TSPAN17: variants seen among roughly 807,000 people sequenced by gnomAD.
The protein encoded by TSPAN17 is tetraspanin-17.
A neutral mutation model predicts 40.5 loss-of-function variants in TSPAN17; 33 were observed. That is an observed-to-expected ratio of 0.81 (90% CI 0.62 to 1.09). The LOEUF (loss-of-function observed/expected upper bound fraction) is 1.09, where lower values mean the gene tolerates loss of function less well. TSPAN17 is among the 50% of genes least tolerant of loss of function. The probability of loss-of-function intolerance (pLI) is 0.00; values close to 1 mark genes in which losing one functional copy is unlikely to be tolerated. For synonymous variants in TSPAN17, 166 were observed against 169.4 expected, an observed-to-expected ratio of 0.98 and a Z score of 0.15; for missense variants, 365 against 416.8, an observed-to-expected ratio of 0.88 and a Z score of 1.08.
Position 176,658,622 on chromosome 5 carries a change from G to T in TSPAN17, c.*924G>T, listed in dbSNP as rs76178706. On this transcript the variant is annotated 3_prime_UTR_variant, in exon 9 of 9. Transcript: ENST00000508164. ...GAGACCAAGAGAGTGCGGTGGGGAT[G>T]GGGGGGAGAGCACGGGTCCCCGTCT... 6.6e-6 allele frequency: 1 copy of T among 152,212 alleles called. No homozygotes were observed. The allele number at this position is 152,212 out of a possible 1,614,324, so 9.4% of individuals were successfully genotyped here.
In TSPAN17 at chr5:176,647,610, C is replaced by A; in HGVS notation, c.-6C>A. The A allele has an allele frequency of 6.4e-7, 1 of 1,560,764 alleles. No homozygotes were observed. Among genetic ancestry groups the A allele is most frequent in the Non-Finnish European group, 8.6e-7 (1 of 1,156,444 alleles). On this transcript the variant is annotated 5_prime_UTR_variant, in exon 1 of 9. Transcript: ENST00000508164. ...CGGTTTCCGGGCCGGCGGGTGGCCGCTCACCATGCCCGGCAAGCACCAGCA... is the reference window on the plus strand; with the variant it reads ...CGGTTTCCGGGCCGGCGGGTGGCCGATCACCATGCCCGGCAAGCACCAGCA...
intron 8 of TSPAN17, chr5:176,657,284 G>T (rs1278179099): frequency 2.8e-6 from 2 of 718,684 alleles, no homozygotes; most frequent in Admixed American, 3.0e-5. Context: ...CAGGCCAAGT[G>T]GGGTGGGAGG....
At position 176,654,691 on chromosome 5, in the gene TSPAN17, A is replaced by G; in HGVS notation, c.457-204A>G. ...TCTTGGGTCGGGGAAGGGGGAGCTC[A>G]GTGTCCCCTCCCTTGCACCCCTCTG... On this transcript the variant is annotated intron_variant, in intron 4 of 8. Coordinates refer to ENST00000508164, the MANE Select transcript of TSPAN17 (RefSeq NM_130465.5). The surrounding 1 kb of genome is among the most constrained non-coding windows in gnomAD (Gnocchi z 4.3). The G allele has an allele frequency of 1.7e-6, 1 of 586,196 alleles. No homozygotes were observed. The highest frequency in any genetic ancestry group is 3.0e-6 in the Non-Finnish European group (1 of 335,184). The allele number at this position is 586,196 out of a possible 1,614,324, so 36.3% of individuals were successfully genotyped here. A position where few individuals can be genotyped will look rare whatever the true frequency, so the allele number is the denominator to read the frequency against.
chr5:176,649,204 G>A (rs1760865656), intron 1 of TSPAN17, among the ~76,000 whole-genome samples: 1 of 152,062 alleles, frequency 6.6e-6, no homozygotes, highest in Non-Finnish European at 1.5e-5. Flanking sequence ...CTGGGGCAAA[G>A]CTGGGATGGT....
chr5:176,647,577 C>G lies in TSPAN17; in HGVS notation c.-39C>G. 6.5e-7 allele frequency: 1 copy of G among 1,541,366 alleles called. No individual in the cohort carries two copies. Among genetic ancestry groups the G allele is most frequent in the Non-Finnish European group, 8.7e-7 (1 of 1,145,526 alleles). On this transcript the variant is annotated 5_prime_UTR_variant, in exon 1 of 9. Transcript: ENST00000508164. Reference sequence around the variant, plus strand: ...GGCCCGCGGGGCGCTGGGCCTGGCTCCCGGCTCCGGTTTCCGGGCCGGCGG... The same window carrying G: ...GGCCCGCGGGGCGCTGGGCCTGGCTGCCGGCTCCGGTTTCCGGGCCGGCGG...
At chr5:176,656,285 A>AC in intron 6 of TSPAN17, 160 bp downstream of exon 6, 1 of 774,068 alleles carries the variant, frequency 1.3e-6, no homozygotes, top group Non-Finnish European at 2.1e-6. Context: ...GGGGGAGTAG[A>AC]CCCCTGGGCC....
rs1417067892 is a variant in TSPAN17, at chr5:176,654,053, AAGG to A, written c.457-836_457-834del. Reference sequence around the variant, plus strand: ...TGCGTGGAGAGCTTGAAGCCTCCCAAAGGAGGAGAAGGAAGAGAAGGGAGAGTG... The same window carrying A: ...TGCGTGGAGAGCTTGAAGCCTCCCAAAGGAGAAGGAAGAGAAGGGAGAGTG... On this transcript the variant is annotated intron_variant, in intron 4 of 8. Transcript: ENST00000508164. This position sits in a 1 kb window ranked among gnomAD's most constrained non-coding sequence, Gnocchi z 4.3. 2 of 152,318 alleles carry A rather than the reference AAGG, an allele frequency of 1.3e-5. No homozygotes were observed. The highest frequency in any genetic ancestry group is 1.3e-4 in the Admixed American group (2 of 15,288). The allele number at this position is 152,318 out of a possible 1,614,324, so 9.4% of individuals were successfully genotyped here.
At position 176,657,500 on chromosome 5, in the gene TSPAN17, C is replaced by T; in HGVS notation, c.810-18C>T. ...TGAAATGGGTCCAAGAATTTTCTTT[C>T]TCTTGCTTGCCTCTCAGGAGCAAAT... On this transcript the variant is annotated intron_variant, in intron 8 of 8. Transcript: ENST00000508164. 6.4e-7 allele frequency: 1 copy of T among 1,559,256 alleles called. No homozygotes were observed. The highest frequency in any genetic ancestry group is 1.2e-5 in the South Asian group (1 of 85,366).
rs1760983245 is a variant in TSPAN17 at position 176,651,937 on chromosome 5, T to C, written c.285+37T>C. ...CCTCAAGATCCCCTGGGAACCCCCATCTCCTCCCATCCAGTTCTTGCAATA... is the reference window on the plus strand; with the variant it reads ...CCTCAAGATCCCCTGGGAACCCCCACCTCCTCCCATCCAGTTCTTGCAATA... On this transcript the variant is annotated intron_variant, in intron 3 of 8. Transcript: ENST00000508164. This position sits in a 1 kb window ranked among gnomAD's most constrained non-coding sequence, Gnocchi z 4.5. 1 of 1,611,392 alleles carries C rather than the reference T, an allele frequency of 6.2e-7. No homozygotes were observed. Among genetic ancestry groups the C allele is most frequent in the Non-Finnish European group, 8.5e-7 (1 of 1,179,136 alleles).
At chr5:176,652,652 G>T in intron 3 of TSPAN17, 91 bp from the exon 4 acceptor site, 1 of 1,306,044 alleles carries the variant, frequency 7.7e-7, no homozygotes, top group Non-Finnish European at 1.1e-6. Context: ...TGGAGGTAGG[G>T]ATGGAGCCCT....
At chr5:176,648,244 C>T (rs1020907850) in intron 1 of TSPAN17, among the ~76,000 whole-genome samples, 2 of 152,338 alleles carry the variant, frequency 1.3e-5, no homozygotes, top group East Asian at 1.9e-4. Context: ...GGAGGCTGAC[C>T]TGCCAGGAGG....
chr5:176,656,888 C>A lies in TSPAN17; in HGVS notation c.748-7C>A, dbSNP rs1460503262. 6.2e-7 allele frequency: 1 copy of A among 1,614,220 alleles called. No homozygotes were observed. Among genetic ancestry groups the A allele is most frequent in the Non-Finnish European group, 8.5e-7 (1 of 1,180,042 alleles). ...CACTCTCCCCTCACCTGTCCTCTGT[C>A]TTACAGATCTTTGGCATCTGCCTGG... On this transcript the variant is annotated splice_polypyrimidine_tract_variant and splice_region_variant and intron_variant, in intron 7 of 8. Transcript: ENST00000508164.
At chr5:176,649,789 G>A (rs1041250229) in intron 1 of TSPAN17, among the ~76,000 whole-genome samples, 5 of 152,152 alleles carry the variant, frequency 3.3e-5, no homozygotes, top group East Asian at 1.9e-4. Flanking sequence ...CCGCGGGGCC[G>A]GGCTGTCCGC....
Position 176,651,603 on chromosome 5 carries a change from G to T in TSPAN17, c.88-13G>T. 1 of 1,610,896 alleles carries T rather than the reference G, an allele frequency of 6.2e-7. No homozygotes were observed. Among genetic ancestry groups the T allele is most frequent in the South Asian group, 1.1e-5 (1 of 90,718 alleles). On this transcript the variant is annotated splice_polypyrimidine_tract_variant and intron_variant, in intron 1 of 8. Transcript: ENST00000508164. This position sits in a 1 kb window ranked among gnomAD's most constrained non-coding sequence, Gnocchi z 4.5. ...TGCTCCCAGCCCTGAGCTCTTTGTT[G>T]CTGCCCTTGCAGGTGCTGGGAGCCC...
chr5:176,656,326 C>A (rs370858691), intron 6 of TSPAN17, among the ~76,000 whole-genome samples: 3 of 152,204 alleles, frequency 2.0e-5, no homozygotes, highest in Admixed American at 2.0e-4. Flanking sequence ...CAGTTCTGCT[C>A]TGTGGAGCAC....
In TSPAN17 at chr5:176,647,563, C is replaced by A; in HGVS notation, c.-53C>A. 6.7e-7 allele frequency: 1 copy of A among 1,502,334 alleles called. No homozygotes were observed. The allele number at this position is 1,502,334 out of a possible 1,614,324, so 93.1% of individuals were successfully genotyped here. A position where few individuals can be genotyped will look rare whatever the true frequency, so the allele number is the denominator to read the frequency against. On this transcript the variant is annotated 5_prime_UTR_variant, in exon 1 of 9. Transcript: ENST00000508164. ...CTCTAGCCCAGGGCGGCCCGCGGGGCGCTGGGCCTGGCTCCCGGCTCCGGT... is the reference window on the plus strand; with the variant it reads ...CTCTAGCCCAGGGCGGCCCGCGGGGAGCTGGGCCTGGCTCCCGGCTCCGGT...
rs561232703 is a variant in TSPAN17, at chr5:176,650,449, G to A, written c.88-1167G>A. 1.8e-4 allele frequency among the ~76,000 whole-genome samples: 28 copies of A among 152,186 alleles called. No homozygotes were observed. Among genetic ancestry groups the A allele is most frequent in the Non-Finnish European group, 3.5e-4 (24 of 68,034 alleles). ...TGGACCAATCCCCGGGGCAGGTGAA[G>A]GCGGAGCATCCTGGGAAGGAGCTCG... On this transcript the variant is annotated intron_variant, in intron 1 of 8. Coordinates refer to ENST00000508164, the MANE Select transcript of TSPAN17 (RefSeq NM_130465.5). This position sits in a 1 kb window ranked among gnomAD's most constrained non-coding sequence, Gnocchi z 4.0.
chr5:176,654,813 C>T lies in TSPAN17; in HGVS notation c.457-82C>T. The T allele has an allele frequency of 6.5e-7, 1 of 1,543,364 alleles. No homozygotes were observed. ...CCCTGTCCCAGACAGCCCTGTATTC[C>T]TGCAGCCTGGGCTTGTTCCCAAACA... On this transcript the variant is annotated intron_variant, in intron 4 of 8. Coordinates refer to ENST00000508164, the MANE Select transcript of TSPAN17 (RefSeq NM_130465.5). This position sits in a 1 kb window ranked among gnomAD's most constrained non-coding sequence, Gnocchi z 4.3.
intron 5 of TSPAN17, 26 bp downstream of exon 5, chr5:176,655,046 T>C: frequency 6.3e-7 from 1 of 1,582,846 alleles, no homozygotes; most frequent in Non-Finnish European, 8.6e-7. Context: ...GGAGGAGAGG[T>C]AAGGGACTTT....
Sources: gnomAD v4.1 joint callset for allele counts (sites outside exome capture counted in the v4.1 genomes callset) on GRCh38, gnomAD v4.1.1 for gene constraint, Gnocchi (gnomAD v3.1) non-coding constraint, MANE v1.5 for transcripts, NCBI Gene and HGNC (gene_info 2026-07-23, HGNC 2026-07-21) for gene names.